Variants in GABRB1 observed in about 807,000 individuals in gnomAD.
The protein encoded by GABRB1 is gamma-aminobutyric acid type A receptor subunit beta1.
A neutral mutation model predicts 51.6 loss-of-function variants in GABRB1; 17 were observed. The ratio of observed to expected loss-of-function variants is 0.33; its 90% confidence interval spans 0.23 to 0.49. The LOEUF is 0.49. Among genes scored for constraint, GABRB1 ranks in the 20% least tolerant of loss-of-function variants. GABRB1 has a pLI of 0.99. For missense variants in GABRB1, 410 were observed against 600.6 expected, an observed-to-expected ratio of 0.68 and a Z score of 3.32; for synonymous variants, 247 against 218.9, an observed-to-expected ratio of 1.13 and a Z score of -1.14.
At chr4:47,000,695 T>C (rs1724152112) in intron 1 of GABRB1, among the ~76,000 whole-genome samples, 1 of 152,196 alleles carries the variant, frequency 6.6e-6, no homozygotes, top group African/African-American at 2.4e-5. Flanking sequence ...GCTGGAGATC[T>C]CTCTTCCCCC....
chr4:47,083,948 C>T (rs1284593934), intron 3 of GABRB1, among the ~76,000 whole-genome samples: 1 of 151,970 alleles, frequency 6.6e-6, no homozygotes, highest in Non-Finnish European at 1.5e-5. Context: ...AGTCTTCTAT[C>T]CCCTGGGATA....
At chr4:47,313,096 C>A (rs757027326) in intron 4 of GABRB1, among the ~76,000 whole-genome samples, 1 of 152,048 alleles carries the variant, frequency 6.6e-6, no homozygotes, top group Non-Finnish European at 1.5e-5. Context: ...TAACTAATAG[C>A]CCATTATAGT....
At chr4:47,277,559 A>G (rs1157281092) in intron 4 of GABRB1, among the ~76,000 whole-genome samples, 2 of 152,252 alleles carry the variant, frequency 1.3e-5, no homozygotes, top group Non-Finnish European at 2.9e-5. Flanking sequence ...TGAATACCCC[A>G]GTCTCCATGA....
At chr4:47,349,917 T>C (rs1314939845) in intron 5 of GABRB1, among the ~76,000 whole-genome samples, 2 of 152,098 alleles carry the variant, frequency 1.3e-5, no homozygotes, top group Non-Finnish European at 2.9e-5. Flanking sequence ...TACACACACT[T>C]TATAGCCCTC....
At chr4:47,364,639 TGAAA>T (rs1349194975) in intron 5 of GABRB1, among the ~76,000 whole-genome samples, 1 of 143,250 alleles carries the variant, frequency 7.0e-6, no homozygotes, top group Admixed American at 6.8e-5. Context: ...AATTTAAACA[TGAAA>T]GAAGGATGAA....
At chr4:47,036,075 T>C (rs1488620762) in intron 3 of GABRB1, among the ~76,000 whole-genome samples, 2 of 152,216 alleles carry the variant, frequency 1.3e-5, no homozygotes, top group Admixed American at 1.3e-4. Flanking sequence ...GAGATAGCTA[T>C]CATGGATTCA....
At chr4:47,103,306 C>T (rs1290946891) in intron 3 of GABRB1, among the ~76,000 whole-genome samples, 1 of 151,982 alleles carries the variant, frequency 6.6e-6, no homozygotes, top group Non-Finnish European at 1.5e-5. Flanking sequence ...AAACCTATGG[C>T]TTTCAGAAAT....
chr4:47,163,082 C>A (rs1357379912), intron 4 of GABRB1, among the ~76,000 whole-genome samples: 2 of 151,948 alleles, frequency 1.3e-5, no homozygotes, highest in African/African-American at 4.8e-5. Flanking sequence ...CATCTAGTGT[C>A]AGAGGACCAA....
intron 1 of GABRB1, among the ~76,000 whole-genome samples, chr4:47,015,996 C>T (rs1023509119): frequency 5.3e-5 from 8 of 152,140 alleles, no homozygotes. Context: ...TTAGCGAGGA[C>T]TAGACCTTGA....
intron 5 of GABRB1, among the ~76,000 whole-genome samples, chr4:47,349,946 G>T (rs1726246357): frequency 6.6e-6 from 1 of 151,774 alleles, no homozygotes; most frequent in South Asian, 2.1e-4. Flanking sequence ...AGTGGTCTTT[G>T]CTTCTGTTGT....
chr4:47,296,374 C>G (rs1723993775), intron 4 of GABRB1, among the ~76,000 whole-genome samples: 1 of 152,148 alleles, frequency 6.6e-6, no homozygotes, highest in Admixed American at 6.5e-5. Context: ...ATCTCACATG[C>G]AGAGACACAC....
chr4:47,036,837 T>C (rs1725591738), intron 3 of GABRB1, among the ~76,000 whole-genome samples: 1 of 150,952 alleles, frequency 6.6e-6, no homozygotes, highest in Admixed American at 6.6e-5. Flanking sequence ...TGCTCCAGCC[T>C]ATGTGATAGA....
Position 47,260,158 on chromosome 4 carries a change from T to C in GABRB1, c.462-59969T>C, listed in dbSNP as rs187966969. ...GGCTAGGATTGCAACCCCTACCTTTTTTTTGTTTTCCATTTCCTTGGTAGA... is the reference window on the plus strand; with the variant it reads ...GGCTAGGATTGCAACCCCTACCTTTCTTTTGTTTTCCATTTCCTTGGTAGA... On this transcript the variant is annotated intron_variant, in intron 4 of 8. Coordinates refer to ENST00000295454, the MANE Select transcript of GABRB1 (RefSeq NM_000812.4). 1.3e-3 allele frequency among the ~76,000 whole-genome samples: 191 copies of C among 152,306 alleles called. 1 individual carries two copies. Among genetic ancestry groups the C allele is most frequent in the African/African-American group, 4.4e-3 (182 of 41,558 alleles).
At chr4:47,385,017 T>C (rs1231875448) in intron 5 of GABRB1, among the ~76,000 whole-genome samples, 1 of 152,230 alleles carries the variant, frequency 6.6e-6, no homozygotes, top group African/African-American at 2.4e-5. Context: ...TTTGTCCTAG[T>C]GAACGCTGTC....
At chr4:47,320,624 C>G (rs1182921960) in intron 5 of GABRB1, among the ~76,000 whole-genome samples, 1 of 152,102 alleles carries the variant, frequency 6.6e-6, no homozygotes, top group Non-Finnish European at 1.5e-5. Context: ...AATAATGTGT[C>G]TTTCCTCATG....
intron 5 of GABRB1, among the ~76,000 whole-genome samples, chr4:47,337,960 C>T (rs979334559): frequency 6.6e-6 from 1 of 152,092 alleles, no homozygotes; most frequent in African/African-American, 2.4e-5. Flanking sequence ...CAGCTATTTG[C>T]TTCCCCCAGA....
At chr4:47,365,356 T>G (rs1234849549) in intron 5 of GABRB1, among the ~76,000 whole-genome samples, 1 of 152,208 alleles carries the variant, frequency 6.6e-6, no homozygotes. Flanking sequence ...CTTTAATCTA[T>G]CACTCATTCA....
intron 3 of GABRB1, among the ~76,000 whole-genome samples, chr4:47,091,287 T>G (rs1728280676): frequency 6.6e-6 from 1 of 152,208 alleles, no homozygotes; most frequent in Admixed American, 6.5e-5. Context: ...ATATTGTATT[T>G]TTTATTCAAG....
intron 3 of GABRB1, among the ~76,000 whole-genome samples, chr4:47,052,318 A>T (rs1030695953): frequency 6.6e-6 from 1 of 152,144 alleles, no homozygotes; most frequent in Non-Finnish European, 1.5e-5. Flanking sequence ...AGAGAGCATG[A>T]CAGCAAGGCA....
Sources: allele counts gnomAD v4.1 joint callset (sites outside exome capture counted in the v4.1 genomes callset), GRCh38; gene constraint gnomAD v4.1.1; transcripts MANE v1.5; gene names NCBI Gene and HGNC (gene_info 2026-07-23, HGNC 2026-07-21).